Variants in EXD3 observed in about 807,000 individuals in gnomAD.
EXD3 encodes the protein exonuclease mut-7 homolog.
Under a neutral mutation model 98.0 loss-of-function variants are expected in EXD3, and 92 were observed. The ratio of observed to expected loss-of-function variants is 0.94; its 90% CI spans 0.79 to 1.12. The LOEUF is 1.12. Among genes scored for constraint, EXD3 ranks in the 50% most tolerant of loss-of-function variants. EXD3 has a pLI of 0.00. For missense variants in EXD3, 1,222 were observed against 1,191.6 expected (o/e 1.03, Z -0.38); for synonymous variants, 569 against 526.0 (o/e 1.08, Z -1.12).
intron 17 of EXD3, among the ~76,000 whole-genome samples, chr9:137,336,222 G>A (rs567911095): frequency 1.3e-5 from 2 of 152,202 alleles, no homozygotes; most frequent in East Asian, 1.9e-4. Context: ...GTGCAGTAAC[G>A]TATCAGACTT....
chr9:137,320,124 C>A (rs1195728482), intron 19 of EXD3, among the ~76,000 whole-genome samples: 4 of 152,214 alleles, frequency 2.6e-5, no homozygotes, highest in Non-Finnish European at 1.5e-5. Context: ...TCACCGCACA[C>A]CACCCAGCAT....
intron 1 of EXD3, among the ~76,000 whole-genome samples, chr9:137,399,135 G>T (rs1043083568): frequency 6.6e-6 from 1 of 152,254 alleles, no homozygotes; most frequent in African/African-American, 2.4e-5. Context: ...GTGGCTGTGG[G>T]GCAGGGGTCA....
At chr9:137,401,453 C>A (rs1235164918) in intron 1 of EXD3, among the ~76,000 whole-genome samples, 1 of 152,148 alleles carries the variant, frequency 6.6e-6, no homozygotes, top group Non-Finnish European at 1.5e-5. Context: ...CCGTGCCCGG[C>A]CCCCACCCAT....
chr9:137,325,699 C>T (rs1832361974), intron 17 of EXD3, among the ~76,000 whole-genome samples: 1 of 152,182 alleles, frequency 6.6e-6, no homozygotes, highest in South Asian at 2.1e-4. Flanking sequence ...TGCTAAAGTG[C>T]TGGGATTACA....
chr9:137,370,420 G>A (rs964547322), intron 5 of EXD3, among the ~76,000 whole-genome samples: 5 of 152,046 alleles, frequency 3.3e-5, no homozygotes, highest in Admixed American at 2.6e-4. Flanking sequence ...GAACGAGCCC[G>A]GGGCTGGGCC....
chr9:137,351,774 C>T (rs140574594), intron 12 of EXD3, among the ~76,000 whole-genome samples: 2 of 152,242 alleles, frequency 1.3e-5, no homozygotes, highest in African/African-American at 4.8e-5. Context: ...CTGGTGCCCA[C>T]GGCAGTGCCC....
intron 19 of EXD3, among the ~76,000 whole-genome samples, chr9:137,312,367 C>T (rs919508573): frequency 6.6e-6 from 1 of 152,202 alleles, no homozygotes; most frequent in African/African-American, 2.4e-5. Context: ...CAGGATCCCC[C>T]GTGTGCCTGG....
chr9:137,330,763 G>C (rs1274048480), intron 17 of EXD3, among the ~76,000 whole-genome samples: 1 of 152,170 alleles, frequency 6.6e-6, no homozygotes, highest in African/African-American at 2.4e-5. Context: ...TCAAGAAAGA[G>C]GAAACAGAGC....
At chr9:137,378,892 ACCGTTGC>A (rs1452111397) in intron 3 of EXD3, among the ~76,000 whole-genome samples, 29 of 147,842 alleles carry the variant, frequency 2.0e-4, no homozygotes, top group African/African-American at 7.2e-4. Flanking sequence ...GGTGACGGTG[ACCGTTGC>A]CTGGGGCCGA....
At chr9:137,354,461 G>C (rs1588331621) in intron 9 of EXD3, 84 bp from the exon 10 acceptor site, 1 of 1,592,392 alleles carries the variant, frequency 6.3e-7, no homozygotes, top group Non-Finnish European at 8.5e-7. Context: ...CTCGACCCCT[G>C]GCAGGGTACA....
intron 1 of EXD3, among the ~76,000 whole-genome samples, chr9:137,416,934 C>T (rs372358833): frequency 6.6e-6 from 1 of 152,200 alleles, no homozygotes; most frequent in African/African-American, 2.4e-5. Context: ...CCAGGAAGCC[C>T]CGACACCTCC....
At position 137,407,410 on chromosome 9, in the gene EXD3, C is replaced by T. The variant is rs1837775511; in HGVS notation, c.-47-12006G>A. Among the ~76,000 whole-genome samples the T allele has an allele frequency of 1.3e-5, 2 of 152,348 alleles. No individual in the cohort carries two copies. The highest frequency in any genetic ancestry group is 4.1e-4 in the South Asian group (2 of 4,830). On this transcript the variant is annotated intron_variant, in intron 1 of 21. Coordinates refer to ENST00000340951, the MANE Select transcript of EXD3 (RefSeq NM_017820.5). The surrounding 1 kb of genome is among the most constrained non-coding windows in gnomAD (Gnocchi z 4.4). Reference sequence around the variant, plus strand: ...ACCTGAGGTCCTGGCCCCCAAGGGGCCATCTGCCCCCGGCTCACCGCAGGC... The same window carrying T: ...ACCTGAGGTCCTGGCCCCCAAGGGGTCATCTGCCCCCGGCTCACCGCAGGC...
chr9:137,355,670 AGG>A, intron 8 of EXD3, among the ~76,000 whole-genome samples: 46 of 21,452 alleles, frequency 2.1e-3, no homozygotes, highest in Non-Finnish European at 4.3e-3. Context: ...GGAAGGAGAA[AGG>A]GAGGATGGAG....
chr9:137,369,947 T>C (rs1309813811), intron 5 of EXD3, among the ~76,000 whole-genome samples: 1 of 152,212 alleles, frequency 6.6e-6, no homozygotes, highest in Non-Finnish European at 1.5e-5. Flanking sequence ...TTTCTGGACA[T>C]GCAGGCGTCC....
rs574558038 is a variant in EXD3 at position 137,395,943 on chromosome 9, G to T, written c.-47-539C>A. Among the ~76,000 whole-genome samples, 9 of 149,410 alleles carry T rather than the reference G, an allele frequency of 6.0e-5. No homozygotes were observed. Among genetic ancestry groups the T allele is most frequent in the Non-Finnish European group, 1.2e-4 (8 of 67,172 alleles). ...GGCAGACCTCAGTCTCCCTCAGAGT[G>T]TTTTTTTTTCTTTTCTTTCTTTCTT... On this transcript the variant is annotated intron_variant, in intron 1 of 21. Coordinates refer to ENST00000340951, the MANE Select transcript of EXD3 (RefSeq NM_017820.5). This position sits in a 1 kb window ranked among gnomAD's most constrained non-coding sequence, Gnocchi z 6.5.
At chr9:137,367,813 C>G in intron 6 of EXD3, 123 bp downstream of exon 6, 1 of 953,890 alleles carries the variant, frequency 1.0e-6, no homozygotes. Context: ...CGCCGGCCCC[C>G]GATGGCCCTG....
chr9:137,388,618 C>T (rs767064307), intron 2 of EXD3, among the ~76,000 whole-genome samples: 12 of 151,964 alleles, frequency 7.9e-5, no homozygotes, highest in Non-Finnish European at 1.5e-4. Context: ...CAGCAGCGGG[C>T]GCCAGGCAGA....
At chr9:137,376,989 TC>T (rs1204564089) in intron 3 of EXD3, 2 of 150,912 alleles carry the variant, frequency 1.3e-5, no homozygotes, top group East Asian at 3.9e-4. Flanking sequence ...CCCATACCCT[TC>T]AGGCATGAGG....
At chr9:137,381,439 A>AG (rs1836267015) in intron 3 of EXD3, among the ~76,000 whole-genome samples, 1 of 147,832 alleles carries the variant, frequency 6.8e-6, no homozygotes, top group Non-Finnish European at 1.5e-5. Context: ...AAAAAAAAAA[A>AG]GACAGGAACA....
Sources: allele counts gnomAD v4.1 joint callset (sites outside exome capture counted in the v4.1 genomes callset), GRCh38; gene constraint gnomAD v4.1.1; non-coding constraint Gnocchi (gnomAD v3.1); transcripts MANE v1.5; gene names NCBI Gene and HGNC (gene_info 2026-07-23, HGNC 2026-07-21).